Variants in EFCAB6 observed in about 807,000 individuals in gnomAD.
EFCAB6 encodes the protein EF-hand calcium binding domain 6.
A neutral mutation model predicts 169.8 loss-of-function variants in EFCAB6; 156 were observed. The observed-to-expected ratio is 0.92, with a 90% CI of 0.81 to 1.05. The LOEUF (loss-of-function observed/expected upper bound fraction) is 1.05. Ranked by LOEUF, EFCAB6 falls within the 50% of genes least tolerant of loss-of-function variation. The pLI, the probability that EFCAB6 is intolerant of heterozygous loss-of-function variation, is 0.00. For missense variants in EFCAB6, 1,800 were observed against 1,829.1 expected, an observed-to-expected ratio of 0.98 and a Z score of 0.29; for synonymous variants, 698 against 676.4, an observed-to-expected ratio of 1.03 and a Z score of -0.50.
At chr22:43,622,161 A>T (rs1369407815) in intron 20 of EFCAB6, among the ~76,000 whole-genome samples, 1 of 152,234 alleles carries the variant, frequency 6.6e-6, no homozygotes, top group East Asian at 1.9e-4. Flanking sequence ...GAATACTCCC[A>T]GTTCATTTTA....
intron 18 of EFCAB6, among the ~76,000 whole-genome samples, chr22:43,633,059 A>G (rs888477606): frequency 1.3e-5 from 2 of 152,172 alleles, no homozygotes; most frequent in African/African-American, 4.8e-5. Context: ...GTTTGTTTAC[A>G]CACAAGAAAA....
At chr22:43,653,268 C>T (rs1225869864) in intron 17 of EFCAB6, among the ~76,000 whole-genome samples, 5 of 152,152 alleles carry the variant, frequency 3.3e-5, no homozygotes, top group African/African-American at 1.2e-4. Context: ...CATTGAGACT[C>T]ATCCTAGTAC....
intron 31 of EFCAB6, among the ~76,000 whole-genome samples, chr22:43,529,916 G>C (rs1361300579): frequency 6.6e-6 from 1 of 152,228 alleles, no homozygotes; most frequent in Non-Finnish European, 1.5e-5. Flanking sequence ...ATATAAAGAT[G>C]AGGCCATACA....
intron 27 of EFCAB6, among the ~76,000 whole-genome samples, chr22:43,541,166 C>T (rs2047696607): frequency 6.6e-6 from 1 of 152,166 alleles, no homozygotes; most frequent in African/African-American, 2.4e-5. Context: ...AACCCTGGTT[C>T]CTTCCTTCCC....
chr22:43,579,930 G>C (rs2050609152), intron 25 of EFCAB6, among the ~76,000 whole-genome samples: 1 of 152,070 alleles, frequency 6.6e-6, no homozygotes, highest in African/African-American at 2.4e-5. Flanking sequence ...CTACACGCAG[G>C]CATCATTGCC....
At chr22:43,546,337 C>T (rs1187259437) in intron 27 of EFCAB6, among the ~76,000 whole-genome samples, 1 of 152,162 alleles carries the variant, frequency 6.6e-6, no homozygotes, top group Non-Finnish European at 1.5e-5. Flanking sequence ...CAGTCCTTGT[C>T]AAACCTAAGC....
rs2047440160 is a variant in EFCAB6, at chr22:43,537,297, G to A, written c.4048+80C>T. 1 of 1,525,892 alleles carries A rather than the reference G, an allele frequency of 6.6e-7. No homozygotes were observed. The highest frequency in any genetic ancestry group is 2.3e-5 in the East Asian group (1 of 43,970). The allele number at this position is 1,525,892 out of a possible 1,614,324, so 94.5% of individuals were successfully genotyped here. On this transcript the variant is annotated intron_variant, in intron 29 of 31. Coordinates refer to ENST00000262726, the MANE Select transcript of EFCAB6 (RefSeq NM_022785.4). The surrounding 1 kb of genome is among the most constrained non-coding windows in gnomAD (Gnocchi z 4.3). ...CTGCTCCCTGGCCTCCACCCGGGGT[G>A]TGGCTTTGTACCCAGTGGGAACAGC... is the stretch of plus-strand genomic sequence containing the variant.
In EFCAB6 at chr22:43,632,302, T is replaced by TTTC. The variant is rs1440673107; in HGVS notation, c.2099-65_2099-64insGAA. On this transcript the variant is annotated intron_variant, in intron 18 of 31. Transcript: ENST00000262726. ...CATCAGCTTCATTCCTTCTTTTTTT[T>TTTC]TTTTTTTTTTTTTTGAGACGGAGTC... The TTTC allele has an allele frequency of 2.6e-6, 3 of 1,151,208 alleles. No individual in the cohort carries two copies. In the African/African-American group the frequency reaches 5.6e-5, roughly 22 times the overall value. 71.3% of individuals were successfully genotyped at this position (1,151,208 alleles called of 1,614,324 possible). A position where few individuals can be genotyped will look rare whatever the true frequency, so the allele number is the denominator to read the frequency against.
chr22:43,562,993 A>G (rs1361440095), intron 26 of EFCAB6, among the ~76,000 whole-genome samples: 1 of 152,122 alleles, frequency 6.6e-6, no homozygotes, highest in Non-Finnish European at 1.5e-5. Context: ...ATCTGGGACG[A>G]GCCCTTCAGG....
intron 2 of EFCAB6, among the ~76,000 whole-genome samples, chr22:43,796,057 G>C (rs1368065925): frequency 6.8e-6 from 1 of 148,084 alleles, no homozygotes; most frequent in Admixed American, 6.9e-5. Flanking sequence ...CACACACACA[G>C]AGTAGCACAC....
intron 2 of EFCAB6, among the ~76,000 whole-genome samples, chr22:43,791,143 G>T (rs1415017461): frequency 6.6e-6 from 1 of 152,178 alleles, no homozygotes; most frequent in Non-Finnish European, 1.5e-5. Flanking sequence ...GGAGGCCAGG[G>T]TGGGCAGATT....
At chr22:43,742,752 G>T (rs143033980) in intron 6 of EFCAB6, among the ~76,000 whole-genome samples, 29 of 152,360 alleles carry the variant, frequency 1.9e-4, no homozygotes, top group Non-Finnish European at 3.5e-4. Flanking sequence ...AGCCCTGTGC[G>T]TGAGCAGGTG....
chr22:43,762,560 T>C (rs2147910468), intron 5 of EFCAB6, among the ~76,000 whole-genome samples: 1 of 152,356 alleles, frequency 6.6e-6, no homozygotes, highest in South Asian at 2.1e-4. Flanking sequence ...GAAGTGTTGT[T>C]CATGGTATAT....
chr22:43,698,613 A>T (rs1206781091), intron 10 of EFCAB6, among the ~76,000 whole-genome samples: 1 of 152,234 alleles, frequency 6.6e-6, no homozygotes, highest in African/African-American at 2.4e-5. Context: ...TGATGACTCC[A>T]TTACAGAGTT....
chr22:43,595,923 G>C (rs1052905753), intron 23 of EFCAB6, among the ~76,000 whole-genome samples: 2 of 152,048 alleles, frequency 1.3e-5, no homozygotes, highest in African/African-American at 4.8e-5. Flanking sequence ...TTCATCCCAG[G>C]GATGCAAGGA....
intron 5 of EFCAB6, among the ~76,000 whole-genome samples, chr22:43,760,533 GTT>G (rs1250750747): frequency 6.6e-6 from 1 of 152,114 alleles, no homozygotes; most frequent in African/African-American, 2.4e-5. Flanking sequence ...CTTCTGCCCT[GTT>G]TTTTCTCTTA....
chr22:43,546,805 G>A lies in EFCAB6; in HGVS notation c.3649-6448C>T, dbSNP rs572973430. 5.2e-3 allele frequency among the ~76,000 whole-genome samples: 791 copies of A among 151,820 alleles called. 4 individuals carry two copies. Among genetic ancestry groups the A allele is most frequent in the Middle Eastern group, 0.041 (12 of 294 alleles). ...AGAGAATCACTTGAACCCAGGAGGC[G>A]GAGGTTGTGGTGAGACGAGATCATG... On this transcript the variant is annotated intron_variant, in intron 27 of 31. Coordinates refer to ENST00000262726, the MANE Select transcript of EFCAB6 (RefSeq NM_022785.4).
At chr22:43,787,380 AC>A (rs2062118773) in intron 2 of EFCAB6, among the ~76,000 whole-genome samples, 1 of 150,396 alleles carries the variant, frequency 6.6e-6, no homozygotes, top group Non-Finnish European at 1.5e-5. Flanking sequence ...ACACACACAC[AC>A]ACAATTAGAA....
intron 23 of EFCAB6, among the ~76,000 whole-genome samples, chr22:43,590,739 G>T (rs949047941): frequency 1.4e-5 from 2 of 143,736 alleles, no homozygotes; most frequent in Non-Finnish European, 3.0e-5. Context: ...TAGGTTTGAA[G>T]GCCAAAAAAA....
Sources: gnomAD v4.1 joint callset for allele counts (sites outside exome capture counted in the v4.1 genomes callset) on GRCh38, gnomAD v4.1.1 for gene constraint, Gnocchi (gnomAD v3.1) non-coding constraint, MANE v1.5 for transcripts, NCBI Gene and HGNC (gene_info 2026-07-23, HGNC 2026-07-21) for gene names.